The following SRGAP2 variants were observed in gnomAD, a reference collection of about 807,000 sequenced individuals.
SRGAP2 encodes the protein SLIT-ROBO Rho GTPase-activating protein 2.
SRGAP2 carries 15 observed loss-of-function variants against 57.2 expected under a neutral mutation model. The ratio of observed to expected loss-of-function variants is 0.26; its 90% CI spans 0.18 to 0.40. The LOEUF is 0.40. Among genes scored for constraint, SRGAP2 ranks in the 10% least tolerant of loss-of-function variants. The probability of loss-of-function intolerance (pLI) is 1.00; values close to 1 mark genes in which losing one functional copy is unlikely to be tolerated. For missense variants in SRGAP2, 520 were observed against 669.6 expected (o/e 0.78, Z 2.47); for synonymous variants, 249 against 248.0 (o/e 1.00, Z -0.04).
chr1:206,274,806 T>A (rs1387260427), intron 2 of SRGAP2, among the ~76,000 whole-genome samples: 1 of 152,198 alleles, frequency 6.6e-6, no homozygotes, highest in Non-Finnish European at 1.5e-5. Flanking sequence ...GCAACCGTAT[T>A]ATTTTTTCTC....
At chr1:206,333,036 C>G (rs1484030174) in intron 3 of SRGAP2, among the ~76,000 whole-genome samples, 1 of 148,814 alleles carries the variant, frequency 6.7e-6, no homozygotes, top group Non-Finnish European at 1.5e-5. Flanking sequence ...CAGACAGGAC[C>G]CTCAGCTGCA....
At chr1:206,440,141 T>C in intron 17 of SRGAP2, 60 bp downstream of exon 17, 3 of 758,794 alleles carry the variant, frequency 4.0e-6, no homozygotes, top group Non-Finnish European at 7.4e-6. Context: ...TGGAAGTTCC[T>C]CTATGGACCT....
intron 11 of SRGAP2, among the ~76,000 whole-genome samples, chr1:206,419,080 A>G (rs1660057900): frequency 6.6e-6 from 1 of 152,028 alleles, no homozygotes; most frequent in Non-Finnish European, 1.5e-5. Flanking sequence ...CACTACCTCC[A>G]TCTCTATGTT....
chr1:206,404,423 A>G (rs1658497856), intron 8 of SRGAP2, among the ~76,000 whole-genome samples: 1 of 152,146 alleles, frequency 6.6e-6, no homozygotes, highest in African/African-American at 2.4e-5. Flanking sequence ...AGGCTAAAGG[A>G]CGAACGGTAA....
intron 2 of SRGAP2, among the ~76,000 whole-genome samples, chr1:206,276,527 T>C (rs1276636823): frequency 6.7e-6 from 1 of 149,128 alleles, no homozygotes; most frequent in East Asian, 2.0e-4. Flanking sequence ...GAAAATTGCC[T>C]GGGTTGAAAA....
intron 4 of SRGAP2, among the ~76,000 whole-genome samples, chr1:206,353,697 A>AAAATAAATAAATAAATAAATAAAT (rs546673732): frequency 8.4e-5 from 12 of 142,784 alleles, no homozygotes; most frequent in African/African-American, 2.3e-4. Flanking sequence ...TCCATCTCAA[A>AAAATAAATAAATAAATAAATAAAT]AAATAAATAA....
intron 3 of SRGAP2, chr1:206,333,421 A>G (rs1180054283): frequency 4.5e-6 from 6 of 1,331,214 alleles, no homozygotes; most frequent in East Asian, 2.3e-5. Flanking sequence ...TCTTCAAGGT[A>G]TCACTGAGAT....
At chr1:206,430,054 C>A (rs923583800) in intron 13 of SRGAP2, 108 bp from the exon 14 acceptor site, 4 of 718,204 alleles carry the variant, frequency 5.6e-6, no homozygotes, top group African/African-American at 5.2e-5. Context: ...CTTTGTAGAC[C>A]GGCTGGTGAT....
chr1:206,443,271 GAGTGACTACA>G (rs1371270138), intron 17 of SRGAP2, among the ~76,000 whole-genome samples: 23 of 152,328 alleles, frequency 1.5e-4, no homozygotes, highest in Admixed American at 1.2e-3. Flanking sequence ...GACATGGCAT[GAGTGACTACA>G]AGTCGACACC....
intron 2 of SRGAP2, among the ~76,000 whole-genome samples, chr1:206,225,479 A>G (rs1185866532): frequency 6.6e-6 from 1 of 151,370 alleles, no homozygotes; most frequent in Non-Finnish European, 1.5e-5. Flanking sequence ...GAAGCCAGGA[A>G]GAGGTGCAGC....
chr1:206,355,583 C>G (rs1477263960), intron 4 of SRGAP2, among the ~76,000 whole-genome samples: 1 of 152,158 alleles, frequency 6.6e-6, no homozygotes, highest in Admixed American at 6.5e-5. Flanking sequence ...GGTGCCAGTT[C>G]AGTCATTCGT....
intron 7 of SRGAP2, among the ~76,000 whole-genome samples, chr1:206,394,548 A>T (rs1365437173): frequency 6.6e-6 from 1 of 152,168 alleles, no homozygotes; most frequent in Non-Finnish European, 1.5e-5. Flanking sequence ...AGGAAGCTCA[A>T]GGTCCAGAGG....
intron 2 of SRGAP2, among the ~76,000 whole-genome samples, chr1:206,232,170 G>C (rs1314589909): frequency 6.6e-6 from 1 of 152,120 alleles, no homozygotes; most frequent in African/African-American, 2.4e-5. Context: ...GTGCTTATCT[G>C]TAGTAGCCAG....
intron 4 of SRGAP2, among the ~76,000 whole-genome samples, chr1:206,373,107 T>C (rs1432967352): frequency 2.3e-5 from 3 of 129,796 alleles, no homozygotes; most frequent in African/African-American, 6.0e-5. Context: ...TTCTTTTTTT[T>C]TTTTTTTTTT....
chr1:206,425,593 GGT>G (rs1660721916), intron 13 of SRGAP2, among the ~76,000 whole-genome samples: 1 of 152,034 alleles, frequency 6.6e-6, no homozygotes, highest in Non-Finnish European at 1.5e-5. Context: ...GGACTGCAGT[GGT>G]GTGATCTCAG....
chr1:206,366,192 C>T (rs1653990452), intron 4 of SRGAP2, among the ~76,000 whole-genome samples: 1 of 152,226 alleles, frequency 6.6e-6, no homozygotes, highest in Non-Finnish European at 1.5e-5. Flanking sequence ...AGGGTTTACC[C>T]AAAAGGTGTG....
In SRGAP2 at chr1:206,436,945, A is replaced by T. The variant is rs998519450; in HGVS notation, c.1556-20A>T. The T allele has an allele frequency of 1.3e-6, 1 of 780,438 alleles. No individual in the cohort carries two copies. Among genetic ancestry groups the T allele is most frequent in the African/African-American group, 1.7e-5 (1 of 59,074 alleles). 48.3% of individuals were successfully genotyped at this position (780,438 alleles called of 1,614,324 possible). A position where few individuals can be genotyped will look rare whatever the true frequency, so the allele number is the denominator to read the frequency against. Reference sequence around the variant, plus strand: ...AATTTGCTTTTTCTTCTTCTTGATCACTTTTCTGTGTATTTCCAGGACTAC... The same window carrying T: ...AATTTGCTTTTTCTTCTTCTTGATCTCTTTTCTGTGTATTTCCAGGACTAC... On this transcript the variant is annotated intron_variant, in intron 14 of 22. Transcript: ENST00000573034.
At chr1:206,229,736 T>G (rs1667503712) in intron 2 of SRGAP2, among the ~76,000 whole-genome samples, 1 of 152,012 alleles carries the variant, frequency 6.6e-6, no homozygotes, top group Admixed American at 6.6e-5. Context: ...TCTTTCAGGA[T>G]TTCTATAGCT....
Position 206,303,269 on chromosome 1 carries a change from T to G in SRGAP2, c.68-12T>G. Reference sequence around the variant, plus strand: ...CGGTCTTTCTGACTGTCTTCTCTTGTTTTTGTTGTAGAGATCCGTGCTCAG... The same window carrying G: ...CGGTCTTTCTGACTGTCTTCTCTTGGTTTTGTTGTAGAGATCCGTGCTCAG... On this transcript the variant is annotated splice_polypyrimidine_tract_variant and intron_variant, in intron 2 of 22. Transcript: ENST00000573034. The G allele has an allele frequency of 1.4e-6, 2 of 1,437,546 alleles. No individual in the cohort carries two copies. The highest frequency in any genetic ancestry group is 1.8e-6 in the Non-Finnish European group (2 of 1,083,588). 89.0% of individuals were successfully genotyped at this position (1,437,546 alleles called of 1,614,324 possible).
Sources: allele counts gnomAD v4.1 joint callset (sites outside exome capture counted in the v4.1 genomes callset), GRCh38; gene constraint gnomAD v4.1.1; transcripts MANE v1.5; gene names NCBI Gene and HGNC (gene_info 2026-07-23, HGNC 2026-07-21).